KIF2A: variants seen among roughly 807,000 people sequenced by gnomAD.
The protein encoded by KIF2A is kinesin family member 2A.
KIF2A carries 22 observed loss-of-function variants against 100.2 expected under a neutral mutation model. That is an observed-to-expected ratio of 0.22 (90% CI 0.16 to 0.31). KIF2A has a LOEUF of 0.31. Ranked by LOEUF, KIF2A falls within the 10% of genes least tolerant of loss-of-function variation. KIF2A has a pLI of 1.00. For missense variants in KIF2A, 495 were observed against 898.7 expected (o/e 0.55, Z 5.74); for synonymous variants, 268 against 285.9 (o/e 0.94, Z 0.63).
At chr5:62,353,448 G>A (rs903911394) in intron 6 of KIF2A, 73 bp downstream of exon 6, 5 of 654,658 alleles carry the variant, frequency 7.6e-6, no homozygotes, top group African/African-American at 7.6e-5. Context: ...GGTGATTGAT[G>A]TGAACAAAAT....
intron 13 of KIF2A, 55 bp from the exon 14 acceptor site, chr5:62,363,640 T>C: frequency 6.9e-7 from 1 of 1,453,386 alleles, no homozygotes. Context: ...TAATGTGGTT[T>C]GAACATGTAA....
chr5:62,324,680 C>T (rs1746274511), intron 1 of KIF2A, among the ~76,000 whole-genome samples: 1 of 152,156 alleles, frequency 6.6e-6, no homozygotes, highest in Non-Finnish European at 1.5e-5. Flanking sequence ...AAACTGGACC[C>T]CTTCCTTTCA....
rs757402774 is a variant in KIF2A at position 62,347,212 on chromosome 5, A to C, written c.147A>C (p.Thr49=). 1 of 1,562,096 alleles carries C rather than the reference A, an allele frequency of 6.4e-7. No homozygotes were observed. The highest frequency in any genetic ancestry group is 1.1e-5 in the South Asian group (1 of 87,188). The change falls in exon 2 of 21, where the codon ACA becomes ACC. Residue 49 remains threonine, a synonymous_variant. Transcript: ENST00000407818. ...VTVEWIENGD[T]KGKEIDLESI... is the part of the protein sequence containing the mutation. ...TTGAATGGATAGAAAATGGAGATAC[A>C]AAAGGCAAAGAGGTAAGATCACTGA...
At chr5:62,312,026 T>C (rs1384054433) in intron 1 of KIF2A, 1 of 152,250 alleles carries the variant, frequency 6.6e-6, no homozygotes, top group East Asian at 1.9e-4. Flanking sequence ...TAAGTGCTGC[T>C]GACAGATGTT....
Position 62,355,233 on chromosome 5 carries a change from A to C in KIF2A, c.633A>C (p.Arg211Ser). Reference sequence around the variant, plus strand: ...ACTTTAGAGGAAGTTTGGATTATAGACCATTAACAACAGCAGATCCTGTAA... The same window carrying C: ...ACTTTAGAGGAAGTTTGGATTATAGCCCATTAACAACAGCAGATCCTGTAA... ...IRDFRGSLDY[R>S]PLTTADPIDE... is the part of the protein sequence containing the mutation. Residue 211 changes from arginine to serine, a missense_variant, in exon 7 of 21, where the codon AGA becomes AGC. Arg to Ser is a moderately radical substitution (Grantham distance 110). Around this residue, in one of 10 missense-constraint regions of KIF2A, gnomAD observed 109 missense variants for 244.2 expected, o/e 0.45. Transcript: ENST00000407818. 1.3e-6 allele frequency: 2 copies of C among 1,551,858 alleles called. No homozygotes were observed. Among genetic ancestry groups the C allele is most frequent in the Non-Finnish European group, 1.8e-6 (2 of 1,125,754 alleles).
chr5:62,383,373 G>C (rs1347743545), intron 20 of KIF2A, among the ~76,000 whole-genome samples: 2 of 150,594 alleles, frequency 1.3e-5, no homozygotes, highest in Non-Finnish European at 2.9e-5. Context: ...CTCTTGAGTA[G>C]CTGGGACTAC....
At chr5:62,376,777 C>A (rs1031056416) in intron 18 of KIF2A, among the ~76,000 whole-genome samples, 17 of 151,860 alleles carry the variant, frequency 1.1e-4, no homozygotes, top group Admixed American at 5.3e-4. Context: ...ATCATCTGAA[C>A]ATGGCCTGGA....
chr5:62,344,946 A>G (rs1025337440), intron 1 of KIF2A, among the ~76,000 whole-genome samples: 2 of 152,202 alleles, frequency 1.3e-5, no homozygotes, highest in Admixed American at 6.5e-5. Context: ...ATGAGCTCAT[A>G]TAAAAGGTAG....
chr5:62,376,500 A>G (rs1279625096), intron 18 of KIF2A, among the ~76,000 whole-genome samples: 7 of 151,788 alleles, frequency 4.6e-5, no homozygotes, highest in Non-Finnish European at 8.8e-5. Flanking sequence ...GCTTACTGCA[A>G]CCTCCGCCTC....
chr5:62,373,247 G>GT (rs1037732018), intron 17 of KIF2A, among the ~76,000 whole-genome samples: 37 of 151,496 alleles, frequency 2.4e-4, no homozygotes, highest in Non-Finnish European at 4.7e-4. Flanking sequence ...AATCTGCAGG[G>GT]TTTTTTTGTT....
chr5:62,337,325 C>G (rs1273153707), intron 1 of KIF2A, among the ~76,000 whole-genome samples: 1 of 152,014 alleles, frequency 6.6e-6, no homozygotes, highest in Admixed American at 6.6e-5. Context: ...AACCCCCTCT[C>G]TACTAAAAAT....
intron 1 of KIF2A, among the ~76,000 whole-genome samples, chr5:62,312,553 G>A (rs930848563): frequency 2.0e-5 from 3 of 152,150 alleles, no homozygotes; most frequent in African/African-American, 7.2e-5. Flanking sequence ...TGTTTGTTTT[G>A]AGATTACGAT....
At chr5:62,344,367 A>T (rs1010097399) in intron 1 of KIF2A, among the ~76,000 whole-genome samples, 2 of 151,692 alleles carry the variant, frequency 1.3e-5, no homozygotes, top group Non-Finnish European at 2.9e-5. Context: ...AAAAATGCAG[A>T]TACCTACTTT....
intron 1 of KIF2A, among the ~76,000 whole-genome samples, chr5:62,337,501 T>A (rs1018573166): frequency 3.7e-4 from 53 of 143,840 alleles, no homozygotes; most frequent in African/African-American, 1.0e-3. Context: ...AAAAAAAAAA[T>A]AAAGATTAGT....
chr5:62,370,619 G>T (rs1741278246), intron 16 of KIF2A, among the ~76,000 whole-genome samples: 1 of 152,094 alleles, frequency 6.6e-6, no homozygotes, highest in Admixed American at 6.6e-5. Context: ...TATTTTAGAG[G>T]AGAGTACAAG....
chr5:62,341,535 C>T (rs1747292747), intron 1 of KIF2A, among the ~76,000 whole-genome samples: 1 of 152,134 alleles, frequency 6.6e-6, no homozygotes, highest in Non-Finnish European at 1.5e-5. Context: ...CTCCTGGGCT[C>T]AAGCCATCCT....
At chr5:62,375,963 C>T (rs1741522328) in intron 18 of KIF2A, among the ~76,000 whole-genome samples, 1 of 152,188 alleles carries the variant, frequency 6.6e-6, no homozygotes. Context: ...AGATTCTGGC[C>T]TCAGTCCATC....
intron 1 of KIF2A, among the ~76,000 whole-genome samples, chr5:62,321,316 C>G (rs1746080244): frequency 6.6e-6 from 1 of 152,080 alleles, no homozygotes; most frequent in Non-Finnish European, 1.5e-5. Flanking sequence ...GGTAACTATA[C>G]TTACTTTTTG....
chr5:62,351,112 G>A (rs905787970), intron 4 of KIF2A, among the ~76,000 whole-genome samples: 1 of 150,186 alleles, frequency 6.7e-6, no homozygotes, highest in African/African-American at 2.4e-5. Context: ...CATACCTGTA[G>A]TCTCAGCTAC....
Sources: allele counts gnomAD v4.1 joint callset (sites outside exome capture counted in the v4.1 genomes callset), GRCh38; gene constraint gnomAD v4.1.1; regional missense constraint gnomAD v4.1.1; transcripts MANE v1.5; gene names NCBI Gene and HGNC (gene_info 2026-07-23, HGNC 2026-07-21).